Variants in DSCAML1 observed in about 807,000 individuals in gnomAD.
The protein encoded by DSCAML1 is DS cell adhesion molecule like 1, also known as cell adhesion molecule DSCAML1.
Under a neutral mutation model 200.5 loss-of-function variants are expected in DSCAML1, and 38 were observed. The ratio of observed to expected loss-of-function variants is 0.19; its 90% CI spans 0.15 to 0.25. The LOEUF (loss-of-function observed/expected upper bound fraction) is 0.25. Among genes scored for constraint, DSCAML1 ranks in the 10% least tolerant of loss-of-function variants. The pLI is 1.00. For synonymous variants in DSCAML1, 1,215 were observed against 1,165.0 expected, an observed-to-expected ratio of 1.04 and a Z score of -0.87; for missense variants, 2,223 against 2,858.8, an observed-to-expected ratio of 0.78 and a Z score of 5.07.
At position 117,439,287 on chromosome 11, in the gene DSCAML1, T is replaced by C. The variant is rs749053613; in HGVS notation, c.4123A>G (p.Ile1375Val). 8 of 1,613,928 alleles carry C rather than the reference T, an allele frequency of 5.0e-6. No homozygotes were observed. In the African/African-American group the frequency reaches 1.1e-4, roughly 22 times the overall value. ...ATNTGGFDTI[I>V]VNLLVQVPPD... ...TCACCTTGCACCAGAAGGTTGACGA[T>C]GATGGTGTCAAAGCCACCAGTGTTG... Residue 1375 changes from isoleucine to valine, a missense_variant, in exon 23 of 33, where the codon ATC becomes GTC. This residue lies in a region of DSCAML1 where 614 missense variants were observed against 739.1 expected (regional missense o/e 0.83). Transcript: ENST00000651296.
At chr11:117,816,621 C>G (rs1203652716) in intron 1 of DSCAML1, among the ~76,000 whole-genome samples, 1 of 152,160 alleles carries the variant, frequency 6.6e-6, no homozygotes. Context: ...GGAGGAGACG[C>G]TACACCACCC....
intron 3 of DSCAML1, among the ~76,000 whole-genome samples, chr11:117,569,999 T>C (rs1161755480): frequency 2.0e-5 from 3 of 152,180 alleles, no homozygotes; most frequent in Admixed American, 6.5e-5. Flanking sequence ...TCACCTACCC[T>C]GTCTAATACA....
In DSCAML1 at chr11:117,503,188, G is replaced by C. The variant is rs982819664; in HGVS notation, c.2359+657C>G. Among the ~76,000 whole-genome samples, 1 of 152,162 alleles carries C rather than the reference G, an allele frequency of 6.6e-6. No individual in the cohort carries two copies. On this transcript the variant is annotated intron_variant, in intron 11 of 32. Coordinates refer to ENST00000651296, the MANE Select transcript of DSCAML1 (RefSeq NM_020693.4). This position sits in a 1 kb window ranked among gnomAD's most constrained non-coding sequence, Gnocchi z 5.2. Reference sequence around the variant, plus strand: ...CTGGGCAGGGGGATTTAGAAGCCGTGGGGGCAGCACCGAGTTGTAATGAGC... The same window carrying C: ...CTGGGCAGGGGGATTTAGAAGCCGTCGGGGCAGCACCGAGTTGTAATGAGC...
intron 3 of DSCAML1, among the ~76,000 whole-genome samples, chr11:117,706,986 G>T (rs2053768684): frequency 6.6e-6 from 1 of 152,216 alleles, no homozygotes; most frequent in African/African-American, 2.4e-5. Context: ...GCATGCCTCT[G>T]TGCCCAGACA....
chr11:117,816,606 GTC>G (rs1399962150), intron 1 of DSCAML1, among the ~76,000 whole-genome samples: 2 of 152,196 alleles, frequency 1.3e-5, no homozygotes, highest in Admixed American at 6.5e-5. Flanking sequence ...AGCCTGGAGA[GTC>G]TGGGAGGAGA....
At chr11:117,788,109 G>T (rs928907640) in intron 1 of DSCAML1, among the ~76,000 whole-genome samples, 1 of 152,210 alleles carries the variant, frequency 6.6e-6, no homozygotes, top group African/African-American at 2.4e-5. Flanking sequence ...CTGGCAAGGA[G>T]AGGGTTGAGT....
At chr11:117,608,894 A>G (rs1356942601) in intron 3 of DSCAML1, among the ~76,000 whole-genome samples, 1 of 152,190 alleles carries the variant, frequency 6.6e-6, no homozygotes, top group East Asian at 1.9e-4. Flanking sequence ...TTGGCCGGGC[A>G]TGGTGGCTTA....
intron 3 of DSCAML1, among the ~76,000 whole-genome samples, chr11:117,771,804 G>A (rs1196765034): frequency 1.3e-5 from 2 of 152,206 alleles, no homozygotes; most frequent in Non-Finnish European, 1.5e-5. Flanking sequence ...AAGTGTTATT[G>A]TGAGGATTAG....
intron 6 of DSCAML1, among the ~76,000 whole-genome samples, chr11:117,520,389 T>C (rs1046571569): frequency 3.9e-5 from 6 of 152,158 alleles, no homozygotes; most frequent in African/African-American, 1.4e-4. Flanking sequence ...GAGCCTGCCT[T>C]GAAGAGGTCT....
intron 20 of DSCAML1, among the ~76,000 whole-genome samples, chr11:117,445,113 C>T (rs2048149911): frequency 6.6e-6 from 1 of 152,232 alleles, no homozygotes; most frequent in African/African-American, 2.4e-5. Context: ...AACAGACCTC[C>T]AGGCATGTAT....
At position 117,489,370 on chromosome 11, in the gene DSCAML1, G is replaced by A. The variant is rs527663235; in HGVS notation, c.2360-7208C>T. On this transcript the variant is annotated intron_variant, in intron 11 of 32. Transcript: ENST00000651296. This position sits in a 1 kb window ranked among gnomAD's most constrained non-coding sequence, Gnocchi z 4.8. The stretch of plus-strand genomic sequence containing the variant: ...GCACCTCACTGCTCTGTAGGGCACA[G>A]GAGGCTTTAATGAAATACAACTTCT... 2.6e-5 allele frequency among the ~76,000 whole-genome samples: 4 copies of A among 152,324 alleles called. No homozygotes were observed. The South Asian group carries it at 8.3e-4, about 32-fold the overall frequency.
chr11:117,451,828 AT>A (rs2048289530), intron 19 of DSCAML1, among the ~76,000 whole-genome samples: 1 of 150,448 alleles, frequency 6.6e-6, no homozygotes, highest in South Asian at 2.1e-4. Context: ...AAAAAAAAAA[AT>A]AATAAAGCAC....
chr11:117,593,857 G>A (rs996935861), intron 3 of DSCAML1, among the ~76,000 whole-genome samples: 6 of 151,924 alleles, frequency 3.9e-5, no homozygotes, highest in African/African-American at 1.2e-4. Context: ...GACTACAGGC[G>A]CCCGCCACCA....
Position 117,730,060 on chromosome 11 carries a change from G to A in DSCAML1, c.511+46731C>T, listed in dbSNP as rs574886100. Among the ~76,000 whole-genome samples the A allele has an allele frequency of 1.0e-3, 155 of 152,278 alleles. 1 individual carries two copies. Among genetic ancestry groups the A allele is most frequent in the African/African-American group, 3.5e-3 (147 of 41,560 alleles). Reference sequence around the variant, plus strand: ...CTAAAAATACAAAAATAAGCTGGGCGTGGTGGTGTGCGCCTGTAGCCCCTG... The same window carrying A: ...CTAAAAATACAAAAATAAGCTGGGCATGGTGGTGTGCGCCTGTAGCCCCTG... On this transcript the variant is annotated intron_variant, in intron 3 of 32. Transcript: ENST00000651296.
chr11:117,760,207 A>G (rs1057251738), intron 3 of DSCAML1, among the ~76,000 whole-genome samples: 2 of 152,250 alleles, frequency 1.3e-5, no homozygotes, highest in African/African-American at 4.8e-5. Flanking sequence ...ACAGAAAAGC[A>G]TAAAAATAAT....
chr11:117,551,976 T>C (rs1375096113), intron 3 of DSCAML1, among the ~76,000 whole-genome samples: 2 of 149,150 alleles, frequency 1.3e-5, no homozygotes, highest in African/African-American at 5.0e-5. Context: ...GGAGACAATG[T>C]CTTATCAGAC....
At chr11:117,793,392 G>T (rs775575523) in intron 1 of DSCAML1, among the ~76,000 whole-genome samples, 1 of 152,154 alleles carries the variant, frequency 6.6e-6, no homozygotes, top group Admixed American at 6.5e-5. Flanking sequence ...TCGTATCCCT[G>T]CAGAAAAACT....
chr11:117,591,205 G>T (rs1314435759), intron 3 of DSCAML1, among the ~76,000 whole-genome samples: 2 of 152,164 alleles, frequency 1.3e-5, no homozygotes, highest in Non-Finnish European at 2.9e-5. Flanking sequence ...AAGTGGCAGG[G>T]TGAGGGGGGT....
At chr11:117,660,379 C>CAAAT (rs974339690) in intron 3 of DSCAML1, among the ~76,000 whole-genome samples, 9 of 152,308 alleles carry the variant, frequency 5.9e-5, no homozygotes, top group Middle Eastern at 3.4e-3. Context: ...TGTCTTTGGG[C>CAAAT]AAATGGCTTT....
Sources: gnomAD v4.1 joint callset for allele counts (sites outside exome capture counted in the v4.1 genomes callset) on GRCh38, gnomAD v4.1.1 for gene constraint, gnomAD v4.1.1 regional missense constraint, Gnocchi (gnomAD v3.1) non-coding constraint, MANE v1.5 for transcripts, NCBI Gene and HGNC (gene_info 2026-07-23, HGNC 2026-07-21) for gene names.